ARFGEF3: variants seen among roughly 807,000 people sequenced by gnomAD.
ARFGEF3 encodes the protein ARFGEF family member 3.
A neutral mutation model predicts 221.7 loss-of-function variants in ARFGEF3; 96 were observed. That is an observed-to-expected ratio of 0.43 (90% CI 0.37 to 0.51). ARFGEF3 has a LOEUF of 0.51. Among genes scored for constraint, ARFGEF3 ranks in the 20% least tolerant of loss-of-function variants. The pLI, the probability that ARFGEF3 is intolerant of heterozygous loss-of-function variation, is 0.00. For synonymous variants in ARFGEF3, 1,145 were observed against 1,126.8 expected (o/e 1.02, Z -0.32); for missense variants, 2,410 against 2,789.9 (o/e 0.86, Z 3.07).
At chr6:138,239,935 C>T (rs1778362784) in intron 6 of ARFGEF3, among the ~76,000 whole-genome samples, 1 of 152,114 alleles carries the variant, frequency 6.6e-6, no homozygotes, top group African/African-American at 2.4e-5. Context: ...CAGAAGTAAA[C>T]CCCTGGTCTC....
At position 138,339,552 on chromosome 6, in the gene ARFGEF3, T is replaced by C. The variant is rs1035754025; in HGVS notation, c.*3066T>C. 6.6e-6 allele frequency: 1 copy of C among 152,242 alleles called. No individual in the cohort carries two copies. The highest frequency in any genetic ancestry group is 2.4e-5 in the African/African-American group (1 of 41,452). 9.4% of individuals were successfully genotyped at this position (152,242 alleles called of 1,614,324 possible). ...TATTACCTTAAAGTTGAGATCTTTC[T>C]CTTCTTTTCCTAAATTTTGGTAAAG... is the stretch of plus-strand genomic sequence containing the variant. On this transcript the variant is annotated 3_prime_UTR_variant, in exon 34 of 34. Coordinates refer to ENST00000251691, the MANE Select transcript of ARFGEF3 (RefSeq NM_020340.5).
At chr6:138,191,847 A>T (rs1043395658) in intron 2 of ARFGEF3, among the ~76,000 whole-genome samples, 2 of 152,118 alleles carry the variant, frequency 1.3e-5, no homozygotes, top group Non-Finnish European at 2.9e-5. Context: ...ACCTAAATGC[A>T]CTTTCAGCGC....
chr6:138,323,531 A>C, intron 29 of ARFGEF3, 140 bp from the exon 30 acceptor site: 1 of 626,526 alleles, frequency 1.6e-6, no homozygotes, highest in Non-Finnish European at 2.7e-6. Context: ...GAATTGCTTG[A>C]ACCCGGGAGA....
chr6:138,250,920 A>T (rs1413967118), intron 8 of ARFGEF3, among the ~76,000 whole-genome samples: 2 of 152,162 alleles, frequency 1.3e-5, no homozygotes, highest in Admixed American at 1.3e-4. Flanking sequence ...TGTGCATTCT[A>T]CTTACTTGTT....
chr6:138,327,735 T>A (rs1293552919), intron 31 of ARFGEF3, among the ~76,000 whole-genome samples: 1 of 152,190 alleles, frequency 6.6e-6, no homozygotes, highest in African/African-American at 2.4e-5. Context: ...ATATTAAGTG[T>A]CAATACCTGC....
chr6:138,203,830 A>G (rs1777580041), intron 2 of ARFGEF3, among the ~76,000 whole-genome samples: 1 of 151,798 alleles, frequency 6.6e-6, no homozygotes, highest in South Asian at 2.1e-4. Flanking sequence ...TTTAGTAGAG[A>G]CGGGGTTTCA....
rs371672323 is a variant in ARFGEF3, at chr6:138,218,583, A to G, written c.351+8542A>G. The G allele has an allele frequency of 3.6e-5, 39 of 1,068,954 alleles. No individual in the cohort carries two copies. In the South Asian group the frequency reaches 8.7e-4, roughly 24 times the overall value. 66.2% of individuals were successfully genotyped at this position (1,068,954 alleles called of 1,614,324 possible). On this transcript the variant is annotated intron_variant, in intron 4 of 33. Coordinates refer to ENST00000251691, the MANE Select transcript of ARFGEF3 (RefSeq NM_020340.5). ...GTTCCATCCTACGAGGTAGAGTTTT[A>G]TGATTTGATTATTCCAGAAGAGCTC...
At chr6:138,241,339 T>A (rs1183474600) in intron 6 of ARFGEF3, among the ~76,000 whole-genome samples, 1 of 152,194 alleles carries the variant, frequency 6.6e-6, no homozygotes, top group Non-Finnish European at 1.5e-5. Context: ...GATTCTTCCG[T>A]TACTCCCATT....
At position 138,280,101 on chromosome 6, in the gene ARFGEF3, G is replaced by T; in HGVS notation, c.2398G>T (p.Gly800Ter). The change falls in exon 14 of 34, where the codon GGA (glycine) becomes TGA (stop). Residue 800 changes from glycine to a stop codon, truncating the protein, a stop_gained. Transcript: ENST00000251691. LOFTEE classifies it high-confidence loss of function. ...TCAGGTGCTCGACAGGAACATGCTT[G>T]GAGAGGCTGGCTATTGGGGCAGCCC... is the stretch of plus-strand genomic sequence containing the variant. ...YHQVLDRNML[G>*]EAGYWGSPED... The T allele has an allele frequency of 6.2e-7, 1 of 1,613,896 alleles. No individual in the cohort carries two copies. Among genetic ancestry groups the T allele is most frequent in the Non-Finnish European group, 8.5e-7 (1 of 1,179,806 alleles).
intron 8 of ARFGEF3, among the ~76,000 whole-genome samples, chr6:138,252,380 C>G (rs1026955301): frequency 1.3e-5 from 2 of 152,152 alleles, no homozygotes; most frequent in African/African-American, 4.8e-5. Context: ...AGCATAATAT[C>G]AATGTCAGTG....
At chr6:138,318,789 A>C (rs1779970600) in intron 27 of ARFGEF3, among the ~76,000 whole-genome samples, 1 of 152,218 alleles carries the variant, frequency 6.6e-6, no homozygotes, top group African/African-American at 2.4e-5. Context: ...TTGAACAAAG[A>C]AGCACAATGA....
chr6:138,175,408 C>T (rs752086365), intron 2 of ARFGEF3, among the ~76,000 whole-genome samples: 16 of 152,150 alleles, frequency 1.1e-4, no homozygotes, highest in Non-Finnish European at 2.1e-4. Context: ...TTCAAGGTCT[C>T]CTTACATGCA....
intron 29 of ARFGEF3, among the ~76,000 whole-genome samples, chr6:138,321,922 T>C (rs1780035298): frequency 6.6e-6 from 1 of 152,136 alleles, no homozygotes; most frequent in South Asian, 2.1e-4. Context: ...TGGGGAGGCC[T>C]CACAATCATG....
rs1214893618 is a variant in ARFGEF3 at position 138,285,927 on chromosome 6, CTTT to C, written c.2462-18_2462-16del. The C allele has an allele frequency of 2.6e-6, 4 of 1,552,844 alleles. No homozygotes were observed. Among genetic ancestry groups the C allele is most frequent in the Non-Finnish European group, 2.7e-6 (3 of 1,126,902 alleles). On this transcript the variant is annotated splice_polypyrimidine_tract_variant and intron_variant, in intron 14 of 33. Transcript: ENST00000251691. Reference sequence around the variant, plus strand: ...GGAGTGTTTTATTTAGGGAAAACTTCTTTCTTTTTCCTTGACAGATATTGACGG... The same window carrying C: ...GGAGTGTTTTATTTAGGGAAAACTTCCTTTTTCCTTGACAGATATTGACGG...
At chr6:138,244,352 G>A in intron 7 of ARFGEF3, among the ~76,000 whole-genome samples, 1 of 152,146 alleles carries the variant, frequency 6.6e-6, no homozygotes, top group East Asian at 1.9e-4. Context: ...CAGATACTTA[G>A]AGCCACATTT....
intron 2 of ARFGEF3, among the ~76,000 whole-genome samples, chr6:138,190,119 G>A (rs1308351173): frequency 1.3e-5 from 2 of 151,918 alleles, no homozygotes; most frequent in Admixed American, 1.3e-4. Flanking sequence ...AAAAAGAGTA[G>A]CATGCCATCA....
chr6:138,286,449 CAAA>C (rs960871572), intron 15 of ARFGEF3, among the ~76,000 whole-genome samples: 108 of 56,542 alleles, frequency 1.9e-3, no homozygotes, highest in Non-Finnish European at 3.1e-3. Context: ...GACTCCGTCT[CAAA>C]AAAAAAAAAA....
intron 18 of ARFGEF3, among the ~76,000 whole-genome samples, chr6:138,290,763 G>A (rs1292207703): frequency 6.6e-6 from 1 of 152,204 alleles, no homozygotes; most frequent in South Asian, 2.1e-4. Context: ...AGGCAGAGCA[G>A]GCATGGGGCA....
chr6:138,213,398 C>G (rs1777771210), intron 4 of ARFGEF3, among the ~76,000 whole-genome samples: 1 of 151,592 alleles, frequency 6.6e-6, no homozygotes, highest in African/African-American at 2.4e-5. Context: ...GCAGATGTTG[C>G]CGTGAGCCGA....
Sources: gnomAD v4.1 joint callset for allele counts (sites outside exome capture counted in the v4.1 genomes callset) on GRCh38, gnomAD v4.1.1 for gene constraint, MANE v1.5 for transcripts, NCBI Gene and HGNC (gene_info 2026-07-23, HGNC 2026-07-21) for gene names.